The following CD4 variants were observed in gnomAD, a reference collection of about 807,000 sequenced individuals.
The protein encoded by CD4 is CD4 molecule, also known as T-cell surface glycoprotein CD4.
In CD4, 25 loss-of-function variants were observed where a neutral mutation model predicts 50.5. That is an observed-to-expected ratio of 0.49 (90% CI 0.36 to 0.69). The LOEUF (loss-of-function observed/expected upper bound fraction) is 0.69. Among genes scored for constraint, CD4 ranks in the 30% least tolerant of loss-of-function variants. The pLI is 0.00. For missense variants in CD4, 456 were observed against 548.5 expected (o/e 0.83, Z 1.68); for synonymous variants, 207 against 221.9 (o/e 0.93, Z 0.60).
chr12:6,793,702 A>T (rs60392033), intron 1 of CD4, among the ~76,000 whole-genome samples: 212 of 15,378 alleles, frequency 0.014, 3 homozygotes, highest in Middle Eastern at 0.043. Context: ...CTATCTATCT[A>T]TCTTTTTTTT....
chr12:6,802,319 CTT>C (rs575781462), intron 3 of CD4, among the ~76,000 whole-genome samples: 1 of 141,050 alleles, frequency 7.1e-6, no homozygotes, highest in South Asian at 2.3e-4. Flanking sequence ...TTCTTCCAAT[CTT>C]TTTTTTTTTT....
chr12:6,795,663 G>T (rs142461426), intron 1 of CD4, among the ~76,000 whole-genome samples: 2 of 152,386 alleles, frequency 1.3e-5, no homozygotes, highest in East Asian at 1.9e-4. Flanking sequence ...CCCAGAGAGT[G>T]CTTGCACTCT....
chr12:6,814,674 T>C (rs1555117582), intron 4 of CD4, 85 bp from the exon 5 acceptor site: 4 of 1,006,520 alleles, frequency 4.0e-6, no homozygotes, highest in Non-Finnish European at 6.4e-6. Context: ...ACGGCGATAA[T>C]GGAGAGATGT....
At chr12:6,790,166 A>G (rs1942114065) in intron 1 of CD4, among the ~76,000 whole-genome samples, 1 of 151,708 alleles carries the variant, frequency 6.6e-6, no homozygotes, top group Admixed American at 6.6e-5. Flanking sequence ...AAAGAGCAAA[A>G]GAAGTGGAAT....
Position 6,818,514 on chromosome 12 carries a change from T to A in CD4, c.1250T>A (p.Phe417Tyr). ...CTGCTTTTCATTGGGCTAGGCATCT[T>A]CTTCTGTGTCAGGTGCCGGCACCGA... ...GLLLFIGLGI[F>Y]FCVRCRHRRR... Residue 417 changes from phenylalanine to tyrosine, a missense_variant, in exon 8 of 10, where the codon TTC becomes TAC. By Grantham distance (22) the Phe-to-Tyr change is conservative. Coordinates refer to ENST00000011653, the MANE Select transcript of CD4 (RefSeq NM_000616.5). The surrounding 1 kb of genome is among the most constrained non-coding windows in gnomAD (Gnocchi z 5.0). 6.2e-7 allele frequency: 1 copy of A among 1,613,088 alleles called. No homozygotes were observed.
At chr12:6,801,901 C>G (rs1942574292) in intron 3 of CD4, among the ~76,000 whole-genome samples, 1 of 146,050 alleles carries the variant, frequency 6.8e-6, no homozygotes, top group Non-Finnish European at 1.5e-5. Flanking sequence ...GAGGCAAACT[C>G]TCGATCTGTT....
At chr12:6,806,229 G>A (rs1942756105) in intron 3 of CD4, among the ~76,000 whole-genome samples, 1 of 150,222 alleles carries the variant, frequency 6.7e-6, no homozygotes, top group Admixed American at 6.6e-5. Context: ...GTGAATAGAT[G>A]TATATACATC....
At chr12:6,793,086 A>G (rs2857231) in intron 1 of CD4, among the ~76,000 whole-genome samples, 28 of 152,028 alleles carry the variant, frequency 1.8e-4, no homozygotes, top group Non-Finnish European at 3.7e-4. Context: ...ACCTCTGGGG[A>G]CGCTGAGTAT....
At chr12:6,806,164 C>G (rs1942750978) in intron 3 of CD4, among the ~76,000 whole-genome samples, 1 of 130,176 alleles carries the variant, frequency 7.7e-6, no homozygotes, top group Admixed American at 7.9e-5. Flanking sequence ...CATACACACA[C>G]ACACACACAC....
intron 3 of CD4, among the ~76,000 whole-genome samples, chr12:6,803,841 G>A (rs191118230): frequency 6.6e-6 from 1 of 151,416 alleles, no homozygotes; most frequent in Non-Finnish European, 1.5e-5. Context: ...GTCAGGAGTG[G>A]TGGCTCACGC....
In CD4 at chr12:6,816,651, A is replaced by G. The variant is rs781946478; in HGVS notation, c.955+248A>G. ...AAGAACCAGGGTTCCAGTTCTTCCT[A>G]TAACCAACCCTCTGTGACCCTGGCT... On this transcript the variant is annotated intron_variant, in intron 6 of 9. Coordinates refer to ENST00000011653, the MANE Select transcript of CD4 (RefSeq NM_000616.5). This position sits in a 1 kb window ranked among gnomAD's most constrained non-coding sequence, Gnocchi z 4.9. 2.6e-5 allele frequency among the ~76,000 whole-genome samples: 4 copies of G among 152,320 alleles called. 1 individual carries two copies. Among genetic ancestry groups the G allele is most frequent in the African/African-American group, 9.6e-5 (4 of 41,578 alleles).
At chr12:6,802,066 T>G (rs1942581926) in intron 3 of CD4, among the ~76,000 whole-genome samples, 1 of 147,932 alleles carries the variant, frequency 6.8e-6, no homozygotes. Flanking sequence ...TAGAGACCGG[T>G]TTTCATCATA....
chr12:6,809,171 G>A (rs918674487), intron 3 of CD4, among the ~76,000 whole-genome samples: 2 of 151,816 alleles, frequency 1.3e-5, no homozygotes, highest in Admixed American at 1.3e-4. Flanking sequence ...GTTTCCTATC[G>A]TCATCAATTA....
At chr12:6,807,052 A>C (rs1942784301) in intron 3 of CD4, among the ~76,000 whole-genome samples, 1 of 152,120 alleles carries the variant, frequency 6.6e-6, no homozygotes, top group Non-Finnish European at 1.5e-5. Flanking sequence ...CTGTAGTCCC[A>C]GCTACTCGGG....
Position 6,819,652 on chromosome 12 carries a change from C to A in CD4, c.*323C>A. 2.7e-6 allele frequency: 1 copy of A among 375,092 alleles called. No homozygotes were observed. The highest frequency in any genetic ancestry group is 4.9e-6 in the Non-Finnish European group (1 of 203,694). 23.2% of individuals were successfully genotyped at this position (375,092 alleles called of 1,614,324 possible). On this transcript the variant is annotated 3_prime_UTR_variant, in exon 10 of 10. Coordinates refer to ENST00000011653, the MANE Select transcript of CD4 (RefSeq NM_000616.5). The stretch of plus-strand genomic sequence containing the variant: ...AGTGTTCAGGGCCAGCCCTGGCTGG[C>A]ATGGAGGGTGAGGCTGGGTGTCTGG...
intron 1 of CD4, among the ~76,000 whole-genome samples, chr12:6,799,774 C>T (rs1393150949): frequency 6.6e-6 from 1 of 152,220 alleles, no homozygotes; most frequent in Non-Finnish European, 1.5e-5. Context: ...AGCCACCGCA[C>T]CCAGCCTAGT....
intron 4 of CD4, 182 bp downstream of exon 4, chr12:6,814,482 C>A (rs371009754): frequency 1.5e-6 from 1 of 675,966 alleles, no homozygotes; most frequent in South Asian, 2.0e-5. Context: ...TGCTGGTGGG[C>A]GGAGGAGGGA....
At chr12:6,798,496 T>C (rs1942446065) in intron 1 of CD4, among the ~76,000 whole-genome samples, 1 of 152,064 alleles carries the variant, frequency 6.6e-6, no homozygotes, top group Admixed American at 6.6e-5. Flanking sequence ...CAGCCCTAGA[T>C]CCATTAAACC....
chr12:6,814,812 T>G lies in CD4; in HGVS notation c.427T>G (p.Leu143Val), dbSNP rs1943042062. Residue 143 changes from leucine (L) to valine (V), a missense_variant, in exon 5 of 10, where the codon TTG becomes GTG. Physicochemically the swap from Leu to Val is conservative, Grantham distance 32 (BLOSUM62 1). Coordinates refer to ENST00000011653, the MANE Select transcript of CD4 (RefSeq NM_000616.5). ...TCAGGGGCAGAGCCTGACCCTGACCTTGGAGAGCCCCCCTGGTAGTAGCCC... is the reference window on the plus strand; with the variant it reads ...TCAGGGGCAGAGCCTGACCCTGACCGTGGAGAGCCCCCCTGGTAGTAGCCC... ...LLQGQSLTLT[L>V]ESPPGSSPSV... 1 of 1,613,528 alleles carries G rather than the reference T, an allele frequency of 6.2e-7. No homozygotes were observed. Among genetic ancestry groups the G allele is most frequent in the Non-Finnish European group, 8.5e-7 (1 of 1,179,768 alleles).
Sources: allele counts gnomAD v4.1 joint callset (sites outside exome capture counted in the v4.1 genomes callset), GRCh38; gene constraint gnomAD v4.1.1; non-coding constraint Gnocchi (gnomAD v3.1); transcripts MANE v1.5; gene names NCBI Gene and HGNC (gene_info 2026-07-23, HGNC 2026-07-21).